Variants in PAK3 observed in about 807,000 individuals in gnomAD.
PAK3 encodes the protein p21 (RAC1) activated kinase 3.
A neutral mutation model predicts 41.0 loss-of-function variants in PAK3; 4 were observed. The observed-to-expected ratio is 0.10, with a 90% confidence interval of 0.05 to 0.22. The LOEUF (loss-of-function observed/expected upper bound fraction) is 0.22. Among genes scored for constraint, PAK3 ranks in the 10% least tolerant of loss-of-function variants. The pLI is 1.00. For synonymous variants in PAK3, 146 were observed against 139.6 expected (o/e 1.05, Z -0.32); for missense variants, 205 against 409.9 (o/e 0.50, Z 4.32).
At chrX:111,039,244 G>C (rs868725314) in intron 1 of PAK3, among the ~76,000 whole-genome samples, 1 of 112,217 alleles carries the variant, frequency 8.9e-6, no homozygotes. Context: ...TTTACTTTCT[G>C]CCTTTTTGTC....
At chrX:111,058,917 C>T (rs951802319) in intron 1 of PAK3, among the ~76,000 whole-genome samples, 3 of 110,760 alleles carry the variant, frequency 2.7e-5, no homozygotes, top group Non-Finnish European at 3.8e-5. Context: ...GAAGAAACTG[C>T]TTTTCTCCTT....
intron 1 of PAK3, among the ~76,000 whole-genome samples, chrX:111,000,536 T>A (rs2091829124): frequency 8.9e-6 from 1 of 111,779 alleles, no homozygotes; most frequent in African/African-American, 3.3e-5. Flanking sequence ...CAATATGAGA[T>A]CCTGGATTGG....
intron 16 of PAK3, among the ~76,000 whole-genome samples, chrX:111,201,230 T>C (rs1569462900): frequency 8.9e-6 from 1 of 112,375 alleles, no homozygotes; most frequent in Non-Finnish European, 1.9e-5. Flanking sequence ...AGGAGTACTT[T>C]TTTGGTTTCG....
At chrX:111,099,006 A>AGCAGG (rs1420562723) in intron 3 of PAK3, among the ~76,000 whole-genome samples, 1 of 109,376 alleles carries the variant, frequency 9.1e-6, no homozygotes, top group Non-Finnish European at 1.9e-5. Flanking sequence ...CAGCTTCTCC[A>AGCAGG]GCAGGGGGCG....
intron 1 of PAK3, among the ~76,000 whole-genome samples, chrX:111,060,395 C>A (rs1436540272): frequency 1.8e-5 from 2 of 111,000 alleles, no homozygotes; most frequent in East Asian, 5.7e-4. Flanking sequence ...ATTTTCTTTT[C>A]TTGTGATGTC....
intron 7 of PAK3, among the ~76,000 whole-genome samples, chrX:111,148,359 T>TA (rs2093980512): frequency 8.9e-6 from 1 of 112,250 alleles, no homozygotes; most frequent in Non-Finnish European, 1.9e-5. Flanking sequence ...GAGAAAACTA[T>TA]GTGTGACTAT....
At chrX:111,156,662 C>G (rs2094111536) in intron 8 of PAK3, among the ~76,000 whole-genome samples, 1 of 111,583 alleles carries the variant, frequency 9.0e-6, no homozygotes, top group Non-Finnish European at 1.9e-5. Flanking sequence ...AGTTTTGCAT[C>G]CTTTAGTAGC....
At chrX:111,150,031 C>T (rs2094003563) in intron 7 of PAK3, among the ~76,000 whole-genome samples, 1 of 112,294 alleles carries the variant, frequency 8.9e-6, no homozygotes, top group African/African-American at 3.2e-5. Flanking sequence ...TGCTTTGCTG[C>T]ATAGAAATTT....
At chrX:111,160,520 G>C (rs1225089349) in intron 8 of PAK3, among the ~76,000 whole-genome samples, 9 of 108,742 alleles carry the variant, frequency 8.3e-5, no homozygotes, top group East Asian at 2.9e-4. Flanking sequence ...CAACGTGCAG[G>C]TTTGTTACAT....
intron 11 of PAK3, among the ~76,000 whole-genome samples, chrX:111,187,243 A>AT (rs1001239652): frequency 9.8e-5 from 11 of 111,833 alleles, no homozygotes; most frequent in East Asian, 2.8e-4. Context: ...GTAATTGTCA[A>AT]TTTTTTTGTT....
In PAK3 at chrX:111,123,073, T is replaced by G; in HGVS notation, c.-27-4T>G. The stretch of plus-strand genomic sequence containing the variant: ...ACTCCTTTTTTTTCCCTCCTTTTCT[T>G]TAGGAGCTGTGAAATTAGTTGTAAC... On this transcript the variant is annotated splice_polypyrimidine_tract_variant and splice_region_variant and intron_variant, in intron 4 of 17. Coordinates refer to ENST00000372007, the MANE Select transcript of PAK3 (RefSeq NM_002578.5). The G allele has an allele frequency of 8.7e-7, 1 of 1,143,706 alleles. No homozygotes were observed. The highest frequency in any genetic ancestry group is 1.2e-6 in the Non-Finnish European group (1 of 833,481). 94.3% of individuals were successfully genotyped at this position (1,143,706 alleles called of 1,213,427 possible). A position where few individuals can be genotyped will look rare whatever the true frequency, so the allele number is the denominator to read the frequency against.
At chrX:111,069,929 T>C (rs1386803974) in intron 1 of PAK3, among the ~76,000 whole-genome samples, 2 of 111,765 alleles carry the variant, frequency 1.8e-5, no homozygotes, top group African/African-American at 6.5e-5. Flanking sequence ...TTTTCTCTTC[T>C]GTATCACTAA....
chrX:111,128,810 A>G (rs1030155454), intron 5 of PAK3, among the ~76,000 whole-genome samples: 2 of 112,049 alleles, frequency 1.8e-5, no homozygotes, highest in East Asian at 2.8e-4. Flanking sequence ...CATATTTTTG[A>G]AAGAAACGAT....
At chrX:111,015,233 C>T (rs1020287945) in intron 1 of PAK3, among the ~76,000 whole-genome samples, 10 of 110,293 alleles carry the variant, frequency 9.1e-5, no homozygotes, top group Non-Finnish European at 1.9e-4. Flanking sequence ...TTTCATTTAT[C>T]ATAATGTCCT....
At chrX:110,972,406 T>C (rs942729811) in intron 1 of PAK3, among the ~76,000 whole-genome samples, 1 of 111,874 alleles carries the variant, frequency 8.9e-6, no homozygotes, top group Non-Finnish European at 1.9e-5. Flanking sequence ...CCGCTGGAGA[T>C]ACCCAGGCAA....
chrX:111,117,312 T>C (rs1348594659), intron 4 of PAK3, among the ~76,000 whole-genome samples: 3 of 111,860 alleles, frequency 2.7e-5, no homozygotes, highest in Non-Finnish European at 3.8e-5. Flanking sequence ...ATTGGTGTAC[T>C]GGAAAGGGAA....
chrX:111,046,172 G>C lies in PAK3; in HGVS notation c.-27-76905G>C, dbSNP rs144759095. On this transcript the variant is annotated intron_variant, in intron 1 of 14. Coordinates refer to the PAK3 transcript ENST00000425146. ...GAGTGCTTACTATTTGCTGGGCACTGTGCTGGGTGCTTTACACATGTTAAC... is the reference window on the plus strand; with the variant it reads ...GAGTGCTTACTATTTGCTGGGCACTCTGCTGGGTGCTTTACACATGTTAAC... Among the ~76,000 whole-genome samples, 23 of 111,793 alleles carry C rather than the reference G, an allele frequency of 2.1e-4. No homozygotes were observed. The East Asian group carries it at 5.4e-3, about 26-fold the overall frequency.
chrX:111,006,059 C>T (rs1028304390), intron 1 of PAK3, among the ~76,000 whole-genome samples: 8 of 111,187 alleles, frequency 7.2e-5, no homozygotes, highest in Admixed American at 2.9e-4. Context: ...ATTTCTCAGC[C>T]CTGCACATTA....
intron 11 of PAK3, among the ~76,000 whole-genome samples, chrX:111,178,726 A>T (rs1027608184): frequency 6.4e-5 from 7 of 109,914 alleles, no homozygotes; most frequent in Non-Finnish European, 1.3e-4. Context: ...AGGAGTGGGT[A>T]TGATGGATTC....
Sources: allele counts gnomAD v4.1 joint callset (sites outside exome capture counted in the v4.1 genomes callset), GRCh38; gene constraint gnomAD v4.1.1; transcripts MANE v1.5; gene names NCBI Gene and HGNC (gene_info 2026-07-23, HGNC 2026-07-21).